NEK11: variants seen among roughly 807,000 people sequenced by gnomAD.
NEK11 encodes serine/threonine-protein kinase Nek11.
NEK11 carries 72 observed loss-of-function variants against 80.7 expected under a neutral mutation model. The observed-to-expected ratio is 0.89, with a 90% CI of 0.74 to 1.08. The LOEUF (loss-of-function observed/expected upper bound fraction) is 1.08, where lower values mean the gene tolerates loss of function less well. Among genes scored for constraint, NEK11 ranks in the 50% least tolerant of loss-of-function variants. The probability of loss-of-function intolerance (pLI) is 0.00; values close to 1 mark genes in which losing one functional copy is unlikely to be tolerated. For missense variants in NEK11, 764 were observed against 763.6 expected (o/e 1.00, Z -0.01); for synonymous variants, 251 against 260.7 (o/e 0.96, Z 0.36).
At chr3:131,315,336 T>C (rs2096825893) in intron 17 of NEK11, among the ~76,000 whole-genome samples, 3 of 152,172 alleles carry the variant, frequency 2.0e-5, no homozygotes, top group Non-Finnish European at 4.4e-5. Context: ...TCTGTTTTCT[T>C]TTTTTAGATT....
At chr3:131,194,287 G>A (rs1245730065) in intron 14 of NEK11, among the ~76,000 whole-genome samples, 1 of 152,118 alleles carries the variant, frequency 6.6e-6, no homozygotes, top group Non-Finnish European at 1.5e-5. Flanking sequence ...GAAAAATTAG[G>A]TGTATTTGAC....
chr3:131,148,672 G>C (rs1169862470), intron 7 of NEK11, among the ~76,000 whole-genome samples: 1 of 151,576 alleles, frequency 6.6e-6, no homozygotes, highest in Admixed American at 6.6e-5. Flanking sequence ...GGATACTTCT[G>C]TTGTCTATCT....
chr3:131,198,690 G>A lies in NEK11; in HGVS notation c.1399+27803G>A, dbSNP rs924251405. On this transcript the variant is annotated intron_variant, in intron 14 of 17. Coordinates refer to ENST00000383366, the MANE Select transcript of NEK11 (RefSeq NM_024800.5). ...AGCTCATCCCTCGGACCTGTGTAAG[G>A]ACTCCTAGAGCTATTCCTGTTTTTT... 2.0e-5 allele frequency among the ~76,000 whole-genome samples: 3 copies of A among 152,180 alleles called. No individual in the cohort carries two copies. In the East Asian group the frequency reaches 5.8e-4, roughly 29 times the overall value.
chr3:131,273,380 A>T, intron 16 of NEK11, 98 bp from the exon 17 acceptor site: 1 of 799,236 alleles, frequency 1.3e-6, no homozygotes, highest in South Asian at 1.6e-5. Context: ...CCATGTGGCA[A>T]AGGTGGATTA....
intron 3 of NEK11, among the ~76,000 whole-genome samples, chr3:131,056,864 T>G (rs1577553442): frequency 6.6e-6 from 1 of 152,078 alleles, no homozygotes; most frequent in African/African-American, 2.4e-5. Context: ...TGTCCTGGGC[T>G]TCCAGTTTTT....
At chr3:131,124,428 T>C (rs968208994) in intron 5 of NEK11, among the ~76,000 whole-genome samples, 8 of 152,202 alleles carry the variant, frequency 5.3e-5, no homozygotes, top group Admixed American at 1.3e-4. Flanking sequence ...TGATGGTTTA[T>C]GGCCTTGTTG....
intron 16 of NEK11, among the ~76,000 whole-genome samples, chr3:131,263,458 T>G (rs1038351410): frequency 3.3e-5 from 5 of 152,228 alleles, no homozygotes; most frequent in African/African-American, 1.2e-4. Context: ...CATGCTGTTT[T>G]GGTTACCGTA....
intron 16 of NEK11, among the ~76,000 whole-genome samples, chr3:131,267,786 T>G (rs146433528): frequency 8.5e-4 from 130 of 152,318 alleles, no homozygotes; most frequent in African/African-American, 3.1e-3. Context: ...CTTTGTGGTG[T>G]TCTCTGTATT....
chr3:131,345,503 C>G (rs1007466876), intron 17 of NEK11, among the ~76,000 whole-genome samples: 1 of 152,122 alleles, frequency 6.6e-6, no homozygotes, highest in Admixed American at 6.6e-5. Flanking sequence ...CACCTCACAC[C>G]CCTAAGAATG....
chr3:131,170,824 TC>T lies in NEK11; in HGVS notation c.1338del (p.Met447TrpfsTer10), dbSNP rs2092638046. 1 of 1,614,016 alleles carries T rather than the reference TC, an allele frequency of 6.2e-7. No individual in the cohort carries two copies. Among genetic ancestry groups the T allele is most frequent in the African/African-American group, 1.3e-5 (1 of 74,918 alleles). ...ENLPESQPIPSMDLHELESIV... is the reference protein window; with the variant it reads ...ENLPESQPIPXMDLHELESIV... Reference sequence around the variant, plus strand: ...CCTGCCTGAGTCTCAGCCTATTCCTTCCATGGACCTCCACGAACTTGAATCA... The same window carrying T: ...CCTGCCTGAGTCTCAGCCTATTCCTTCATGGACCTCCACGAACTTGAATCA... On this transcript the variant is annotated frameshift_variant, in exon 14 of 18. Coordinates refer to ENST00000383366, the MANE Select transcript of NEK11 (RefSeq NM_024800.5). LOFTEE classifies it high-confidence loss of function.
intron 16 of NEK11, among the ~76,000 whole-genome samples, chr3:131,268,314 T>C (rs1399302469): frequency 1.3e-5 from 2 of 152,214 alleles, no homozygotes; most frequent in Non-Finnish European, 2.9e-5. Context: ...GTTCCCTTGC[T>C]GGTGAGGAGT....
chr3:131,305,209 A>G (rs537957150), intron 17 of NEK11, among the ~76,000 whole-genome samples: 2 of 151,966 alleles, frequency 1.3e-5, no homozygotes, highest in South Asian at 4.2e-4. Flanking sequence ...CAGCCAAACA[A>G]TTGTAAGAAG....
intron 3 of NEK11, among the ~76,000 whole-genome samples, chr3:131,030,726 C>T (rs980657023): frequency 6.6e-6 from 1 of 152,196 alleles, no homozygotes; most frequent in East Asian, 1.9e-4. Context: ...ACCCCCTTGT[C>T]ACCTCGTCTC....
intron 14 of NEK11, among the ~76,000 whole-genome samples, chr3:131,219,647 G>T (rs1379170461): frequency 6.6e-6 from 1 of 151,988 alleles, no homozygotes; most frequent in East Asian, 1.9e-4. Context: ...CAGCAAGAGG[G>T]AAGCCAAGGA....
At chr3:131,139,743 C>A (rs2086459369) in intron 7 of NEK11, among the ~76,000 whole-genome samples, 1 of 152,206 alleles carries the variant, frequency 6.6e-6, no homozygotes, top group African/African-American at 2.4e-5. Flanking sequence ...AGTATTAAAT[C>A]TTATCACCAC....
At chr3:131,206,182 T>C (rs750385875) in intron 14 of NEK11, among the ~76,000 whole-genome samples, 1 of 152,108 alleles carries the variant, frequency 6.6e-6, no homozygotes, top group African/African-American at 2.4e-5. Context: ...TTCACCCAAA[T>C]AGTCAGGCTC....
At chr3:131,085,219 T>G (rs2075815239) in intron 4 of NEK11, among the ~76,000 whole-genome samples, 1 of 152,222 alleles carries the variant, frequency 6.6e-6, no homozygotes, top group Non-Finnish European at 1.5e-5. Context: ...AGTTCCCTAT[T>G]GCCTTGGCAG....
chr3:131,216,885 T>G (rs1228961969), intron 14 of NEK11, among the ~76,000 whole-genome samples: 1 of 152,224 alleles, frequency 6.6e-6, no homozygotes, highest in Non-Finnish European at 1.5e-5. Context: ...GGGGGCTCTT[T>G]GTAATGAAAT....
At chr3:131,127,818 TTAAC>T (rs1394630603) in intron 5 of NEK11, among the ~76,000 whole-genome samples, 24 of 151,314 alleles carry the variant, frequency 1.6e-4, no homozygotes, top group Non-Finnish European at 2.2e-4. Context: ...CTGAAATAGT[TTAAC>T]TGTAGGCTGT....
Sources: gnomAD v4.1 joint callset for allele counts (sites outside exome capture counted in the v4.1 genomes callset) on GRCh38, gnomAD v4.1.1 for gene constraint, MANE v1.5 for transcripts, NCBI Gene and HGNC (gene_info 2026-07-23, HGNC 2026-07-21) for gene names.